NLRP3: variants seen among roughly 807,000 people sequenced by gnomAD.
NLRP3 encodes NLR family pyrin domain containing 3.
NLRP3 carries 48 observed loss-of-function variants against 91.3 expected under a neutral mutation model. The ratio of observed to expected loss-of-function variants is 0.53; its 90% CI spans 0.42 to 0.67. The LOEUF (loss-of-function observed/expected upper bound fraction) is 0.67, where lower values mean the gene tolerates loss of function less well. NLRP3 is among the 30% of genes least tolerant of loss of function. NLRP3 has a pLI of 0.00. For missense variants in NLRP3, 982 were observed against 1,276.9 expected (o/e 0.77, Z 3.52); for synonymous variants, 561 against 507.9 (o/e 1.10, Z -1.41).
intron 7 of NLRP3, among the ~76,000 whole-genome samples, chr1:247,442,381 C>A (rs936129671): frequency 3.3e-5 from 5 of 152,148 alleles, no homozygotes; most frequent in Non-Finnish European, 7.4e-5. Flanking sequence ...TTCCTGGCTT[C>A]ATGGAATAGA....
intron 6 of NLRP3, among the ~76,000 whole-genome samples, chr1:247,435,121 G>C (rs1041211796): frequency 6.6e-6 from 1 of 152,060 alleles, no homozygotes; most frequent in Non-Finnish European, 1.5e-5. Context: ...GCATGGTGGT[G>C]CATGCCTGTA....
chr1:247,448,493 C>T lies in NLRP3; in HGVS notation c.3094C>T (p.Pro1032Ser). The T allele has an allele frequency of 6.2e-7, 1 of 1,610,568 alleles. No homozygotes were observed. Among genetic ancestry groups the T allele is most frequent in the Non-Finnish European group, 8.5e-7 (1 of 1,176,808 alleles). The change falls in exon 10 of 10, where the codon CCT (proline) becomes TCT (serine). Residue 1032 changes from proline to serine, a missense_variant. Physicochemically the swap from Pro to Ser is moderately conservative, Grantham distance 74. Around this residue, in one of 5 missense-constraint regions of NLRP3, gnomAD observed 29 missense variants for 55.3 expected, o/e 0.52. Transcript: ENST00000336119. ...EKPELTVVFE[P>S]SW The stretch of plus-strand genomic sequence containing the variant: ...GCCTGAGCTGACCGTCGTCTTTGAG[C>T]CTTCTTGGTAGGAGTGGAAACGGGG...
Position 247,448,669 on chromosome 1 carries a change from C to T in NLRP3, c.*165C>T. On this transcript the variant is annotated 3_prime_UTR_variant, in exon 10 of 10. Transcript: ENST00000336119. Reference sequence around the variant, plus strand: ...GCCGACGATGCCTTCCTGTGCAGAGCTTGGGCATCTCCTTTACGCCAGGGT... The same window carrying T: ...GCCGACGATGCCTTCCTGTGCAGAGTTTGGGCATCTCCTTTACGCCAGGGT... 1 of 676,566 alleles carries T rather than the reference C, an allele frequency of 1.5e-6. No individual in the cohort carries two copies. The highest frequency in any genetic ancestry group is 2.7e-5 in the East Asian group (1 of 36,430). The allele number at this position is 676,566 out of a possible 1,614,324, so 41.9% of individuals were successfully genotyped here.
At chr1:247,430,351 G>A (rs1663219283) in intron 5 of NLRP3, among the ~76,000 whole-genome samples, 1 of 152,178 alleles carries the variant, frequency 6.6e-6, no homozygotes, top group Admixed American at 6.5e-5. Flanking sequence ...GTGTACTGAT[G>A]CCATCTTGCC....
chr1:247,442,256 T>C (rs1243102700), intron 7 of NLRP3, among the ~76,000 whole-genome samples: 1 of 152,268 alleles, frequency 6.6e-6, no homozygotes, highest in Non-Finnish European at 1.5e-5. Flanking sequence ...CATGCTTTAC[T>C]GTCTGAATAC....
In NLRP3 at chr1:247,425,630, C is replaced by T. The variant is rs748530120; in HGVS notation, c.2150+31C>T. On this transcript the variant is annotated intron_variant, in intron 4 of 9. Coordinates refer to ENST00000336119, the MANE Select transcript of NLRP3 (RefSeq NM_001243133.2). This position sits in a 1 kb window ranked among gnomAD's most constrained non-coding sequence, Gnocchi z 4.1. ...GAAACTCGGCTTCCAGGTGCTTCCT[C>T]CTGCTTCCTCGCCAGCTTCTTCTTG... The T allele has an allele frequency of 6.3e-7, 1 of 1,595,336 alleles. No individual in the cohort carries two copies. The highest frequency in any genetic ancestry group is 1.1e-5 in the South Asian group (1 of 90,878).
At chr1:247,441,697 A>G (rs897829144) in intron 7 of NLRP3, among the ~76,000 whole-genome samples, 1 of 152,220 alleles carries the variant, frequency 6.6e-6, no homozygotes. Flanking sequence ...CTCTAATCCA[A>G]GGATTGGTTG....
chr1:247,420,972 C>T (rs147043293), intron 2 of NLRP3, among the ~76,000 whole-genome samples: 31 of 152,324 alleles, frequency 2.0e-4, no homozygotes, highest in African/African-American at 7.2e-4. Flanking sequence ...GCTGTGTGGT[C>T]AGCAGGCTTG....
chr1:247,439,603 G>GT (rs1318148623), intron 7 of NLRP3, among the ~76,000 whole-genome samples: 1 of 152,090 alleles, frequency 6.6e-6, no homozygotes, highest in Non-Finnish European at 1.5e-5. Context: ...TTCAGTAACC[G>GT]TATCACCAAA....
intron 5 of NLRP3, 60 bp downstream of exon 5, chr1:247,429,815 A>C: frequency 3.3e-6 from 5 of 1,512,022 alleles, no homozygotes; most frequent in Non-Finnish European, 4.6e-6. Flanking sequence ...GAGAGAGAGA[A>C]ACAGACTGGA....
At chr1:247,439,926 A>G (rs939514966) in intron 7 of NLRP3, among the ~76,000 whole-genome samples, 1 of 152,216 alleles carries the variant, frequency 6.6e-6, no homozygotes, top group Non-Finnish European at 1.5e-5. Flanking sequence ...AGTTTTATGC[A>G]TGTGTATTTG....
chr1:247,435,153 G>A (rs555151852), intron 6 of NLRP3, among the ~76,000 whole-genome samples: 40 of 152,248 alleles, frequency 2.6e-4, no homozygotes, highest in Admixed American at 4.6e-4. Flanking sequence ...TCGGGGTGGA[G>A]GCAAGAGAAT....
At chr1:247,432,548 C>T (rs10925019) in intron 5 of NLRP3, among the ~76,000 whole-genome samples, 17,919 of 152,088 alleles carry the variant, frequency 0.12, 1,297 homozygotes, top group East Asian at 0.3. Context: ...GACATTTAAC[C>T]TTATTTCTCC....
intron 5 of NLRP3, among the ~76,000 whole-genome samples, chr1:247,431,779 GTCTGC>G (rs2103144753): frequency 6.6e-6 from 1 of 152,278 alleles, no homozygotes; most frequent in South Asian, 2.1e-4. Flanking sequence ...AATGCTTTCT[GTCTGC>G]TCTGCTCTTT....
In NLRP3 at chr1:247,424,037, C is replaced by A; in HGVS notation, c.588C>A (p.Ser196Arg). Residue 196 changes from serine to arginine, a missense_variant, in exon 4 of 10, where the codon AGC becomes AGA. Ser to Arg is a moderately radical substitution (Grantham distance 110). This residue lies in a region of NLRP3 where 548 missense variants were observed against 713.7 expected (regional missense o/e 0.77). Transcript: ENST00000336119. The surrounding 1 kb of genome is among the most constrained non-coding windows in gnomAD (Gnocchi z 8.1). Reference sequence around the variant, plus strand: ...TCGGCAAGACCAAGACGTGTGAGAGCCCCGTGAGTCCCATTAAGATGGAGT... The same window carrying A: ...TCGGCAAGACCAAGACGTGTGAGAGACCCGTGAGTCCCATTAAGATGGAGT... ...LAIGKTKTCE[S>R]PVSPIKMELL... The A allele has an allele frequency of 6.2e-7, 1 of 1,613,962 alleles. No homozygotes were observed. Among genetic ancestry groups the A allele is most frequent in the South Asian group, 1.1e-5 (1 of 91,050 alleles).
rs763106202 is a variant in NLRP3 at position 247,436,075 on chromosome 1, A to G, written c.2598A>G (p.Gly866=). Residue 866 remains glycine, a synonymous_variant, in exon 7 of 10, where the codon GGA becomes GGG. Coordinates refer to ENST00000336119, the MANE Select transcript of NLRP3 (RefSeq NM_001243133.2). ...TCTATGTGGGGGAGAATGCCTTGGGAGACTCAGGAGTCGCAATTTTATGTG... is the reference window on the plus strand; with the variant it reads ...TCTATGTGGGGGAGAATGCCTTGGGGGACTCAGGAGTCGCAATTTTATGTG... ...TRLYVGENAL[G]DSGVAILCEK... is the part of the protein sequence containing the mutation. 9 of 1,614,196 alleles carry G rather than the reference A, an allele frequency of 5.6e-6. No homozygotes were observed. The East Asian group carries it at 2.0e-4, about 36-fold the overall frequency.
intron 1 of NLRP3, among the ~76,000 whole-genome samples, chr1:247,416,624 C>T (rs1470519923): frequency 7.9e-6 from 1 of 126,128 alleles, no homozygotes; most frequent in Non-Finnish European, 1.6e-5. Flanking sequence ...GGGGCAGGAG[C>T]TGGGAGGGTA....
chr1:247,432,115 C>A (rs1434107207), intron 5 of NLRP3, among the ~76,000 whole-genome samples: 1 of 152,202 alleles, frequency 6.6e-6, no homozygotes, highest in Non-Finnish European at 1.5e-5. Flanking sequence ...AAACTCCTGA[C>A]CTCGTGATCC....
intron 4 of NLRP3, among the ~76,000 whole-genome samples, chr1:247,427,366 G>A (rs1268130595): frequency 2.0e-5 from 3 of 152,228 alleles, no homozygotes; most frequent in Non-Finnish European, 4.4e-5. Flanking sequence ...AAGACAGAGA[G>A]AAAAGTAGGC....
Sources: allele counts gnomAD v4.1 joint callset (sites outside exome capture counted in the v4.1 genomes callset), GRCh38; gene constraint gnomAD v4.1.1; regional missense constraint gnomAD v4.1.1; non-coding constraint Gnocchi (gnomAD v3.1); transcripts MANE v1.5; gene names NCBI Gene and HGNC (gene_info 2026-07-23, HGNC 2026-07-21).